Variants in RANBP2 observed in about 807,000 individuals in gnomAD.
RANBP2 encodes RAN binding protein 2.
RANBP2 carries 57 observed loss-of-function variants against 303.6 expected under a neutral mutation model. The observed-to-expected ratio is 0.19, with a 90% CI of 0.15 to 0.23. The LOEUF (loss-of-function observed/expected upper bound fraction) is 0.23, where lower values mean the gene tolerates loss of function less well. Among genes scored for constraint, RANBP2 ranks in the 10% least tolerant of loss-of-function variants. The pLI, the probability that RANBP2 is intolerant of heterozygous loss-of-function variation, is 1.00. For missense variants in RANBP2, 3,138 were observed against 3,780.8 expected, an observed-to-expected ratio of 0.83 and a Z score of 4.46; for synonymous variants, 1,167 against 1,301.5, an observed-to-expected ratio of 0.90 and a Z score of 2.23.
downstream of RANBP2, among the ~76,000 whole-genome samples, chr2:108,790,703 AAAAT>A (rs1029216685): frequency 1.3e-5 from 2 of 152,196 alleles, no homozygotes; most frequent in Non-Finnish European, 2.9e-5. Context: ...TCCGTCTCAA[AAAAT>A]AAATAAATAG....
the RANBP2 span, among the ~76,000 whole-genome samples, chr2:109,339,518 CA>C: frequency 6.6e-6 from 1 of 152,120 alleles, no homozygotes; most frequent in African/African-American, 2.4e-5. Flanking sequence ...GTGTGCTGCC[CA>C]AAAGGCCGGT....
chr2:109,723,995 G>A, the RANBP2 span, among the ~76,000 whole-genome samples: 1 of 152,118 alleles, frequency 6.6e-6, no homozygotes, highest in Non-Finnish European at 1.5e-5. Flanking sequence ...TGGCTAGCTG[G>A]TTTTCCCAGC....
the RANBP2 span, among the ~76,000 whole-genome samples, chr2:109,067,979 T>A: frequency 1.6e-4 from 25 of 152,300 alleles, no homozygotes; most frequent in East Asian, 7.7e-4. Context: ...GGGACTTTGC[T>A]CTTTGCTGTT....
chr2:109,029,463 T>C, the RANBP2 span, among the ~76,000 whole-genome samples: 1 of 152,224 alleles, frequency 6.6e-6, no homozygotes, highest in African/African-American at 2.4e-5. Flanking sequence ...CCTGAAGTTA[T>C]TGAAGGGTGC....
chr2:108,892,010 G>C, the RANBP2 span, among the ~76,000 whole-genome samples: 1 of 152,172 alleles, frequency 6.6e-6, no homozygotes, highest in Non-Finnish European at 1.5e-5. Context: ...AAGCTGGGCT[G>C]TGCAGGTTTG....
chr2:108,913,537 G>A, the RANBP2 span, among the ~76,000 whole-genome samples: 1 of 152,160 alleles, frequency 6.6e-6, no homozygotes, highest in African/African-American at 2.4e-5. Context: ...AGGGGGCCAG[G>A]CATGGTGGCT....
At chr2:109,154,872 C>T in the RANBP2 span, among the ~76,000 whole-genome samples, 8 of 152,320 alleles carry the variant, frequency 5.3e-5, no homozygotes, top group East Asian at 1.9e-4. Flanking sequence ...GGAAATTCTT[C>T]GGGAGCAGAG....
the RANBP2 span, among the ~76,000 whole-genome samples, chr2:109,658,263 T>C: frequency 1.3e-5 from 2 of 151,312 alleles, no homozygotes; most frequent in African/African-American, 4.8e-5. Flanking sequence ...CTGGCCAAGA[T>C]GGTGAAACCC....
At chr2:109,270,318 C>G in the RANBP2 span, among the ~76,000 whole-genome samples, 2 of 152,108 alleles carry the variant, frequency 1.3e-5, no homozygotes, top group Non-Finnish European at 2.9e-5. Flanking sequence ...TGTTGGAGTG[C>G]CGGGCATGGG....
chr2:109,237,043 G>A, the RANBP2 span, among the ~76,000 whole-genome samples: 2 of 152,204 alleles, frequency 1.3e-5, no homozygotes, highest in African/African-American at 2.4e-5. Flanking sequence ...ACAAATGAAA[G>A]CAGTGACATC....
At chr2:109,165,058 G>A in the RANBP2 span, among the ~76,000 whole-genome samples, 2 of 152,172 alleles carry the variant, frequency 1.3e-5, no homozygotes, top group Non-Finnish European at 2.9e-5. Flanking sequence ...ATCTCTGTTG[G>A]CAGTGGGCCT....
the RANBP2 span, among the ~76,000 whole-genome samples, chr2:109,715,647 A>G: frequency 1.3e-5 from 2 of 152,284 alleles, no homozygotes; most frequent in South Asian, 2.1e-4. Context: ...TGTAGGCTTC[A>G]TTACCCAGGC....
chr2:109,018,194 A>T, the RANBP2 span, among the ~76,000 whole-genome samples: 1 of 152,200 alleles, frequency 6.6e-6, no homozygotes, highest in Non-Finnish European at 1.5e-5. Context: ...GCCACATGTA[A>T]GCCCATTGTG....
At chr2:109,181,810 A>G in the RANBP2 span, among the ~76,000 whole-genome samples, 1 of 151,986 alleles carries the variant, frequency 6.6e-6, no homozygotes, top group Non-Finnish European at 1.5e-5. Flanking sequence ...CATCCATGCC[A>G]CATTCTAAGA....
the RANBP2 span, among the ~76,000 whole-genome samples, chr2:109,345,687 T>C: frequency 1.3e-5 from 2 of 152,224 alleles, no homozygotes; most frequent in Non-Finnish European, 2.9e-5. Context: ...ACTCCCCTCA[T>C]GAAAATAAAT....
chr2:108,874,880 C>T, the RANBP2 span, among the ~76,000 whole-genome samples: 1 of 151,608 alleles, frequency 6.6e-6, no homozygotes, highest in African/African-American at 2.4e-5. Flanking sequence ...GCTGCAATAA[C>T]ATTACTTAGA....
chr2:109,095,566 G>A, the RANBP2 span, among the ~76,000 whole-genome samples: 9 of 152,292 alleles, frequency 5.9e-5, no homozygotes, highest in African/African-American at 2.2e-4. Flanking sequence ...CTTGAGCAAC[G>A]GTTGAGCAAG....
the RANBP2 span, chr2:109,584,999 T>A: frequency 2.2e-6 from 1 of 446,356 alleles, no homozygotes. Flanking sequence ...ATTTTATTTT[T>A]AAAACAATGT....
chr2:109,601,484 T>C, the RANBP2 span, among the ~76,000 whole-genome samples: 2 of 152,238 alleles, frequency 1.3e-5, no homozygotes, highest in African/African-American at 4.8e-5. Context: ...ATTTAACTTC[T>C]AGTATTTTAA....
Sources: gnomAD v4.1 joint callset for allele counts (sites outside exome capture counted in the v4.1 genomes callset) on GRCh38, gnomAD v4.1.1 for gene constraint, MANE v1.5 for transcripts, NCBI Gene and HGNC (gene_info 2026-07-23, HGNC 2026-07-21) for gene names.